MPP7: variants seen among roughly 807,000 people sequenced by gnomAD.
The protein encoded by MPP7 is MAGUK p55 scaffold protein 7, also known as MAGUK p55 subfamily member 7.
A neutral mutation model predicts 76.5 loss-of-function variants in MPP7; 60 were observed. The observed-to-expected ratio is 0.78, with a 90% CI of 0.64 to 0.97. The LOEUF (loss-of-function observed/expected upper bound fraction) is 0.97, where lower values mean the gene tolerates loss of function less well. Ranked by LOEUF, MPP7 falls within the 50% of genes least tolerant of loss-of-function variation. The probability of loss-of-function intolerance (pLI) is 0.00; values close to 1 mark genes in which losing one functional copy is unlikely to be tolerated. For missense variants in MPP7, 641 were observed against 694.0 expected, an observed-to-expected ratio of 0.92 and a Z score of 0.86; for synonymous variants, 237 against 244.5, an observed-to-expected ratio of 0.97 and a Z score of 0.29.
intron 2 of MPP7, among the ~76,000 whole-genome samples, chr10:28,211,094 C>G (rs1343199328): frequency 6.7e-6 from 1 of 149,882 alleles, no homozygotes; most frequent in Non-Finnish European, 1.5e-5. Context: ...ATGTCACTGT[C>G]TCACTGTCTT....
At chr10:28,127,586 G>A (rs577052494) in intron 6 of MPP7, among the ~76,000 whole-genome samples, 10 of 152,252 alleles carry the variant, frequency 6.6e-5, no homozygotes, top group Non-Finnish European at 8.8e-5. Context: ...GGAAACTCCC[G>A]TTTTTAAAAC....
rs1160574531 is a variant in MPP7 at position 28,061,204 on chromosome 10, G to A, written c.1205-1461C>T. On this transcript the variant is annotated intron_variant, in intron 13 of 16. Transcript: ENST00000683449. Reference sequence around the variant, plus strand: ...CAAAAAAAACACCAATTTTCAAGGGGAAAGATAACAGATAGCAACCCTGAA... The same window carrying A: ...CAAAAAAAACACCAATTTTCAAGGGAAAAGATAACAGATAGCAACCCTGAA... Among the ~76,000 whole-genome samples, 3 of 151,842 alleles carry A rather than the reference G, an allele frequency of 2.0e-5. No individual in the cohort carries two copies. In the East Asian group the frequency reaches 5.8e-4, roughly 29 times the overall value.
At chr10:28,092,903 C>T (rs1358831607) in intron 11 of MPP7, among the ~76,000 whole-genome samples, 1 of 151,996 alleles carries the variant, frequency 6.6e-6, no homozygotes, top group Non-Finnish European at 1.5e-5. Context: ...AGACATAACA[C>T]ACTACACCAG....
intron 1 of MPP7, among the ~76,000 whole-genome samples, chr10:28,253,158 G>A (rs2100616): frequency 0.2 from 30,489 of 152,000 alleles, 3,551 homozygotes; most frequent in East Asian, 0.54. Context: ...TACCCTCCTC[G>A]GCTTCCCAAA....
chr10:28,151,357 G>C (rs979512228), intron 3 of MPP7, among the ~76,000 whole-genome samples: 45 of 152,258 alleles, frequency 3.0e-4, no homozygotes, highest in African/African-American at 1.1e-3. Context: ...AAAAGAGTTA[G>C]ATTTGATTTG....
rs1021652604 is a variant in MPP7 at position 28,275,724 on chromosome 10, G to C, written c.-132+27137C>G. ...GCCCAACCCCTTCCTAATATTTCTT[G>C]AATCAGTCTTCTTCCCTACATCTGC... On this transcript the variant is annotated intron_variant, in intron 1 of 16. Coordinates refer to ENST00000683449, the MANE Select transcript of MPP7 (RefSeq NM_001318170.2). Among the ~76,000 whole-genome samples, 4 of 151,182 alleles carry C rather than the reference G, an allele frequency of 2.6e-5. No homozygotes were observed. In the East Asian group the frequency reaches 5.9e-4, roughly 22 times the overall value.
intron 1 of MPP7, among the ~76,000 whole-genome samples, chr10:28,259,997 C>T (rs1001416171): frequency 6.6e-6 from 1 of 152,012 alleles, no homozygotes; most frequent in Admixed American, 6.5e-5. Context: ...TCCCCCATAA[C>T]AAGAAAAGCA....
At chr10:28,189,353 A>G (rs1202405179) in intron 3 of MPP7, among the ~76,000 whole-genome samples, 2 of 152,050 alleles carry the variant, frequency 1.3e-5, no homozygotes, top group East Asian at 3.9e-4. Context: ...ACTTGAGCCC[A>G]GGAGTTTGAG....
chr10:28,309,755 CG>C (rs1367932536), intron 2 of MPP7, among the ~76,000 whole-genome samples: 1 of 152,104 alleles, frequency 6.6e-6, no homozygotes, highest in Non-Finnish European at 1.5e-5. Context: ...GCGGATCCCT[CG>C]TGGCTTGGTG....
intron 5 of MPP7, 46 bp from the exon 6 acceptor site, chr10:28,131,737 A>T: frequency 1.9e-6 from 2 of 1,038,866 alleles, no homozygotes; most frequent in Non-Finnish European, 1.3e-6. Flanking sequence ...ATACATACTT[A>T]TATATTATAT....
intron 12 of MPP7, among the ~76,000 whole-genome samples, chr10:28,073,783 A>AT (rs901554641): frequency 3.3e-5 from 5 of 149,694 alleles, no homozygotes; most frequent in Admixed American, 6.7e-5. Context: ...AAAAAAAAAT[A>AT]TTTTTTTTTT....
chr10:28,060,346 G>A (rs1217706877), intron 13 of MPP7, among the ~76,000 whole-genome samples: 1 of 152,148 alleles, frequency 6.6e-6, no homozygotes, highest in African/African-American at 2.4e-5. Flanking sequence ...GAACTAAAAT[G>A]GAGCAGAAAA....
At chr10:28,281,903 T>C (rs967995931) in intron 1 of MPP7, 3 of 152,098 alleles carry the variant, frequency 2.0e-5, no homozygotes, top group Non-Finnish European at 4.4e-5. Flanking sequence ...TTCAGTTGCA[T>C]GCCGAGGGCA....
intron 5 of MPP7, among the ~76,000 whole-genome samples, chr10:28,132,672 T>C (rs1835231436): frequency 6.6e-6 from 1 of 152,192 alleles, no homozygotes; most frequent in Non-Finnish European, 1.5e-5. Flanking sequence ...CAATCTTGGC[T>C]TACCGCAACC....
intron 2 of MPP7, among the ~76,000 whole-genome samples, chr10:28,226,086 C>T (rs1168733719): frequency 2.0e-5 from 3 of 152,112 alleles, no homozygotes; most frequent in Admixed American, 1.3e-4. Context: ...ATACATGCTA[C>T]ACCACAGATG....
At chr10:28,143,766 C>T (rs2133741893) in intron 5 of MPP7, among the ~76,000 whole-genome samples, 1 of 141,924 alleles carries the variant, frequency 7.0e-6, no homozygotes, top group South Asian at 2.3e-4. Context: ...TATTCCAAGA[C>T]CACGTATTAC....
rs556211787 is a variant in MPP7 at position 28,055,319 on chromosome 10, G to A, written c.1552-1075C>T. ...TACTCAGAACGGATATGTACTGTTG[G>A]CATGTAAAAAAAGGTATTTATCAAA... On this transcript the variant is annotated intron_variant, in intron 16 of 16. Transcript: ENST00000683449. Among the ~76,000 whole-genome samples the A allele has an allele frequency of 5.3e-5, 8 of 152,148 alleles. No homozygotes were observed. The South Asian group carries it at 1.7e-3, about 32-fold the overall frequency.
chr10:28,058,721 T>C (rs1851660741), intron 14 of MPP7, 118 bp from the exon 15 acceptor site: 3 of 502,014 alleles, frequency 6.0e-6, no homozygotes, highest in South Asian at 7.6e-5. Context: ...TAAACTGTGT[T>C]TAATAATATA....
At chr10:28,079,262 C>A (rs1458436103) in intron 12 of MPP7, among the ~76,000 whole-genome samples, 1 of 151,894 alleles carries the variant, frequency 6.6e-6, no homozygotes, top group African/African-American at 2.4e-5. Context: ...AAAATTAATT[C>A]ACAGTTGATG....
Sources: allele counts gnomAD v4.1 joint callset (sites outside exome capture counted in the v4.1 genomes callset), GRCh38; gene constraint gnomAD v4.1.1; transcripts MANE v1.5; gene names NCBI Gene and HGNC (gene_info 2026-07-23, HGNC 2026-07-21).